Variants in TBC1D14 observed in about 807,000 individuals in gnomAD.
TBC1D14 encodes the protein TBC1 domain family, member 14.
Under a neutral mutation model 79.0 loss-of-function variants are expected in TBC1D14, and 26 were observed. The observed-to-expected ratio is 0.33, with a 90% CI of 0.24 to 0.46. TBC1D14 has a LOEUF of 0.46. Among genes scored for constraint, TBC1D14 ranks in the 20% least tolerant of loss-of-function variants. The pLI is 1.00. For synonymous variants in TBC1D14, 394 were observed against 349.9 expected (o/e 1.13, Z -1.40); for missense variants, 769 against 887.6 (o/e 0.87, Z 1.70).
chr4:6,915,535 T>C (rs1437881108), intron 1 of TBC1D14, among the ~76,000 whole-genome samples: 2 of 152,122 alleles, frequency 1.3e-5, no homozygotes, highest in Non-Finnish European at 2.9e-5. Flanking sequence ...CAAGCCCAGC[T>C]CCGCCACAGT....
At position 6,967,393 on chromosome 4, in the gene TBC1D14, A is replaced by C; in HGVS notation, c.812A>C (p.Asn271Thr). The change falls in exon 3 of 14, where the codon AAT (asparagine) becomes ACT (threonine). Residue 271 changes from asparagine (N) to threonine (T), a missense_variant. Transcript: ENST00000409757. ...TTTGGGAAAGCGCCACTCCGAGAGA[A>C]TGCCCAGAAGGATTCAAAGAGAATA... Reference protein sequence around the residue: ...KLFGKAPLRENAQKDSKRIQK... With the variant: ...KLFGKAPLRETAQKDSKRIQK... 6.2e-7 allele frequency: 1 copy of C among 1,614,112 alleles called. No homozygotes were observed.
intron 2 of TBC1D14, among the ~76,000 whole-genome samples, chr4:6,958,522 G>T (rs1007035322): frequency 6.6e-6 from 1 of 152,126 alleles, no homozygotes; most frequent in African/African-American, 2.4e-5. Context: ...TCTAACTCCT[G>T]GGCTCAAGCG....
intron 3 of TBC1D14, among the ~76,000 whole-genome samples, chr4:6,988,885 C>CTTTTTTTTTTTTTTT (rs34268749): frequency 2.3e-4 from 18 of 76,808 alleles, no homozygotes; most frequent in South Asian, 1.1e-3. Flanking sequence ...TTCTTTCTTT[C>CTTTTTTTTTTTTTTT]TTTTTTTTTT....
chr4:6,989,964 G>A (rs1438940834), intron 3 of TBC1D14, among the ~76,000 whole-genome samples: 2 of 152,200 alleles, frequency 1.3e-5, no homozygotes, highest in Non-Finnish European at 2.9e-5. Context: ...TAAACTGACA[G>A]CCTGCAAACT....
intron 6 of TBC1D14, among the ~76,000 whole-genome samples, chr4:7,000,116 T>C (rs1719510827): frequency 6.6e-6 from 1 of 152,060 alleles, no homozygotes; most frequent in East Asian, 1.9e-4. Context: ...GGCAGTATCC[T>C]CAAAAGGCTG....
At chr4:6,937,209 G>T (rs140826124) in intron 2 of TBC1D14, among the ~76,000 whole-genome samples, 4 of 152,348 alleles carry the variant, frequency 2.6e-5, no homozygotes, top group Admixed American at 6.5e-5. Flanking sequence ...GAGCCACCAC[G>T]CTGGGCCTTT....
chr4:6,941,012 G>A (rs1712852366), intron 2 of TBC1D14, among the ~76,000 whole-genome samples: 1 of 152,106 alleles, frequency 6.6e-6, no homozygotes, highest in African/African-American at 2.4e-5. Context: ...AGTTCTTGAG[G>A]GTAAACACGA....
intron 2 of TBC1D14, among the ~76,000 whole-genome samples, chr4:6,957,073 C>T (rs977301589): frequency 1.2e-4 from 18 of 152,234 alleles, no homozygotes; most frequent in African/African-American, 4.1e-4. Flanking sequence ...ACATCGCTTG[C>T]TGTGTGCTCC....
rs375040220 is a variant in TBC1D14, at chr4:6,960,979, C to T, written c.723-6325C>T. Among the ~76,000 whole-genome samples the T allele has an allele frequency of 5.3e-5, 8 of 152,304 alleles. No homozygotes were observed. In the East Asian group the frequency reaches 1.3e-3, roughly 26 times the overall value. On this transcript the variant is annotated intron_variant, in intron 2 of 13. Transcript: ENST00000409757. ...TTTTGTCCCAGTTAAATGTGTGAGC[C>T]GTGGACCTCGCTCCTAATTATTAGG...
At position 7,001,240 on chromosome 4, in the gene TBC1D14, A is replaced by T; in HGVS notation, c.1259A>T (p.Asn420Ile). 6.2e-7 allele frequency: 1 copy of T among 1,613,920 alleles called. No individual in the cohort carries two copies. The highest frequency in any genetic ancestry group is 8.5e-7 in the Non-Finnish European group (1 of 1,179,928). The change falls in exon 7 of 14, where the codon AAT (asparagine) becomes ATT (isoleucine). Residue 420 changes from asparagine to isoleucine, a missense_variant. By Grantham distance (149) the Asn-to-Ile change is moderately radical (BLOSUM62 -3). This residue lies in a region of TBC1D14 where 367 missense variants were observed against 494.4 expected (regional missense o/e 0.74). Transcript: ENST00000409757. ...AGCTTAGCCATTGGCAACGAGTTAA[A>T]TATCACCCACGGTGAGTGGCCTGCA... The part of the protein sequence containing the change: ...VWSLAIGNEL[N>I]ITHELFDICL...
At chr4:7,019,692 C>A (rs557612676) in intron 12 of TBC1D14, among the ~76,000 whole-genome samples, 31 of 152,334 alleles carry the variant, frequency 2.0e-4, no homozygotes, top group African/African-American at 7.2e-4. Context: ...AAGACTGGAA[C>A]CCTGCTGGGC....
At chr4:6,916,786 C>T (rs949860569) in intron 1 of TBC1D14, among the ~76,000 whole-genome samples, 4 of 152,212 alleles carry the variant, frequency 2.6e-5, no homozygotes, top group African/African-American at 7.2e-5. Flanking sequence ...TTCTCTTGGC[C>T]GGAAGGTGAT....
intron 2 of TBC1D14, among the ~76,000 whole-genome samples, chr4:6,937,843 T>TG (rs751110832): frequency 8.5e-4 from 129 of 151,782 alleles, no homozygotes; most frequent in Non-Finnish European, 1.6e-3. Context: ...TGGAGGGTAG[T>TG]GGGGGGTCGT....
rs759958149 is a variant in TBC1D14, at chr4:7,014,537, A to C, written c.1737A>C (p.Pro579=). Residue 579 remains proline (P), a synonymous_variant, in exon 12 of 14, where the codon CCA becomes CCC. Transcript: ENST00000409757. ...ATTTCAAGAAGAACAACCTAACTCC[A>C]GATATCTACCTAATTGATTGGTAAG... ...FAHFKKNNLT[P]DIYLIDWIFT... The C allele has an allele frequency of 4.3e-6, 7 of 1,612,626 alleles. No individual in the cohort carries two copies. The South Asian group carries it at 7.7e-5, about 18-fold the overall frequency.
At chr4:6,948,769 A>G (rs1713733383) in intron 2 of TBC1D14, among the ~76,000 whole-genome samples, 1 of 147,434 alleles carries the variant, frequency 6.8e-6, no homozygotes, top group African/African-American at 2.5e-5. Flanking sequence ...GTGAGATCTC[A>G]GCTCACTGCA....
chr4:7,015,694 A>C (rs1457095152), intron 12 of TBC1D14, among the ~76,000 whole-genome samples: 1 of 152,072 alleles, frequency 6.6e-6, no homozygotes, highest in Non-Finnish European at 1.5e-5. Flanking sequence ...ACATGGTGGG[A>C]AGAGGGTGCC....
chr4:7,026,057 G>A (rs777927495), intron 13 of TBC1D14, among the ~76,000 whole-genome samples: 2 of 152,040 alleles, frequency 1.3e-5, no homozygotes, highest in Non-Finnish European at 2.9e-5. Flanking sequence ...TTGAGAGAGG[G>A]TCTCGCTCTG....
chr4:6,918,572 G>A (rs1474581700), intron 1 of TBC1D14, among the ~76,000 whole-genome samples: 2 of 152,196 alleles, frequency 1.3e-5, no homozygotes, highest in African/African-American at 4.8e-5. Context: ...TCTTACTGCC[G>A]AGGAAGAGGG....
At chr4:6,930,728 G>A (rs1300377383) in intron 2 of TBC1D14, among the ~76,000 whole-genome samples, 2 of 151,608 alleles carry the variant, frequency 1.3e-5, no homozygotes, top group East Asian at 3.9e-4. Flanking sequence ...AATCTGAGAG[G>A]TAGAGGTTGC....
Sources: gnomAD v4.1 joint callset for allele counts (sites outside exome capture counted in the v4.1 genomes callset) on GRCh38, gnomAD v4.1.1 for gene constraint, gnomAD v4.1.1 regional missense constraint, MANE v1.5 for transcripts, NCBI Gene and HGNC (gene_info 2026-07-23, HGNC 2026-07-21) for gene names.